DPY19L1: variants seen among roughly 807,000 people sequenced by gnomAD.
The protein encoded by DPY19L1 is protein C-mannosyl-transferase DPY19L1.
A neutral mutation model predicts 96.9 loss-of-function variants in DPY19L1; 35 were observed. The observed-to-expected ratio is 0.36, with a 90% CI of 0.28 to 0.48. The LOEUF (loss-of-function observed/expected upper bound fraction) is 0.48. Ranked by LOEUF, DPY19L1 falls within the 20% of genes least tolerant of loss-of-function variation. DPY19L1 has a pLI of 0.99. For synonymous variants in DPY19L1, 205 were observed against 252.6 expected (o/e 0.81, Z 1.79); for missense variants, 521 against 777.9 (o/e 0.67, Z 3.93).
chr7:34,951,969 A>T (rs1784275334), intron 13 of DPY19L1, among the ~76,000 whole-genome samples: 1 of 151,746 alleles, frequency 6.6e-6, no homozygotes, highest in Non-Finnish European at 1.5e-5. Flanking sequence ...GAAAACTTGA[A>T]TAGAACAAAA....
At chr7:34,948,622 ACT>A (rs1344126041) in intron 14 of DPY19L1, among the ~76,000 whole-genome samples, 1 of 152,204 alleles carries the variant, frequency 6.6e-6, no homozygotes, top group Non-Finnish European at 1.5e-5. Context: ...TATGTTTAAT[ACT>A]CTCAGACTGT....
chr7:35,024,666 T>G (rs1389095407), intron 1 of DPY19L1, among the ~76,000 whole-genome samples: 1 of 152,318 alleles, frequency 6.6e-6, no homozygotes, highest in Non-Finnish European at 1.5e-5. Context: ...AAACCCCAAG[T>G]GCTTTAATGA....
At chr7:34,939,253 A>G in intron 20 of DPY19L1, 23 bp downstream of exon 20, 1 of 1,593,880 alleles carries the variant, frequency 6.3e-7, no homozygotes, top group Non-Finnish European at 8.5e-7. Flanking sequence ...GTTTGTTTTG[A>G]TGATGCAAGA....
At chr7:34,994,522 C>T (rs1338311756) in intron 6 of DPY19L1, among the ~76,000 whole-genome samples, 1 of 152,136 alleles carries the variant, frequency 6.6e-6, no homozygotes, top group Non-Finnish European at 1.5e-5. Context: ...ATCCAATTCC[C>T]TGGCGGGGCG....
chr7:34,948,361 T>C (rs1167040527), intron 14 of DPY19L1, among the ~76,000 whole-genome samples: 2 of 152,148 alleles, frequency 1.3e-5, no homozygotes, highest in East Asian at 3.9e-4. Context: ...TTAAGCATCT[T>C]TCCATGTCAG....
chr7:35,006,278 C>G (rs1253734730), intron 6 of DPY19L1, among the ~76,000 whole-genome samples: 1 of 152,148 alleles, frequency 6.6e-6, no homozygotes, highest in Non-Finnish European at 1.5e-5. Flanking sequence ...GCACCATAAC[C>G]TAGCTAACCC....
intron 21 of DPY19L1, among the ~76,000 whole-genome samples, chr7:34,933,918 C>T (rs995033380): frequency 2.1e-4 from 32 of 152,144 alleles, no homozygotes; most frequent in African/African-American, 6.8e-4. Flanking sequence ...ACCTTGTGAT[C>T]GTGTGAGTCA....
chr7:34,969,010 T>C (rs761831968), intron 9 of DPY19L1, among the ~76,000 whole-genome samples: 11 of 152,116 alleles, frequency 7.2e-5, no homozygotes, highest in Non-Finnish European at 1.2e-4. Context: ...TGTAATCCTA[T>C]GTGTCTTTAT....
intron 1 of DPY19L1, among the ~76,000 whole-genome samples, chr7:35,034,047 G>A (rs554202421): frequency 1.3e-5 from 2 of 152,100 alleles, no homozygotes; most frequent in East Asian, 1.9e-4. Context: ...GTTATAGCAG[G>A]TGTACCCTTG....
chr7:35,003,627 A>T (rs549293286), intron 6 of DPY19L1, among the ~76,000 whole-genome samples: 1 of 152,292 alleles, frequency 6.6e-6, no homozygotes, highest in East Asian at 1.9e-4. Flanking sequence ...TGGCCACTAC[A>T]TTTCTGCCAG....
At chr7:34,991,670 A>G (rs554171479) in intron 6 of DPY19L1, among the ~76,000 whole-genome samples, 3 of 152,272 alleles carry the variant, frequency 2.0e-5, no homozygotes, top group East Asian at 3.9e-4. Flanking sequence ...TTTATAGGGG[A>G]AAAAAAGTGA....
chr7:34,976,823 G>A (rs763944340), intron 7 of DPY19L1, among the ~76,000 whole-genome samples: 15 of 152,084 alleles, frequency 9.9e-5, no homozygotes, highest in Non-Finnish European at 1.5e-4. Context: ...TCATTCTGCC[G>A]CCCAGGCTGG....
chr7:35,017,892 C>G lies in DPY19L1; in HGVS notation c.401G>C (p.Arg134Pro). 6.2e-7 allele frequency: 1 copy of G among 1,602,390 alleles called. No homozygotes were observed. The highest frequency in any genetic ancestry group is 8.5e-7 in the Non-Finnish European group (1 of 1,173,258). The change falls in exon 3 of 22, where the codon CGC becomes CCC. Residue 134 changes from arginine to proline, a missense_variant. Physicochemically the swap from Arg to Pro is moderately radical, Grantham distance 103. Coordinates refer to ENST00000638088, the MANE Select transcript of DPY19L1 (RefSeq NM_001366673.1). ...CAAATAAAAACTAACCATTTCAGTG[C>G]GAAAAGCCATCTCCCTTTCCAATGT... is the stretch of plus-strand genomic sequence containing the variant. ...LSTLEREMAFRTEMGLYYSYF... is the reference protein window; with the variant it reads ...LSTLEREMAFPTEMGLYYSYF...
chr7:34,990,035 T>A, intron 6 of DPY19L1, 94 bp from the exon 7 acceptor site: 1 of 903,090 alleles, frequency 1.1e-6, no homozygotes, highest in East Asian at 2.7e-5. Flanking sequence ...ACTGGTATTA[T>A]ATAAGATTTT....
intron 1 of DPY19L1, among the ~76,000 whole-genome samples, chr7:35,028,361 G>A (rs1370922070): frequency 6.6e-6 from 1 of 152,210 alleles, no homozygotes; most frequent in Non-Finnish European, 1.5e-5. Flanking sequence ...AGCATGGAAA[G>A]TATATATCAC....
rs371093022 is a variant in DPY19L1, at chr7:34,957,973, G to T, written c.1179+11C>A. ...TCAAAAACAGCCATATAAGTGTTAAGGAATACTTACCCAAATAATTACCAA... is the reference window on the plus strand; with the variant it reads ...TCAAAAACAGCCATATAAGTGTTAATGAATACTTACCCAAATAATTACCAA... On this transcript the variant is annotated intron_variant, in intron 11 of 21. Transcript: ENST00000638088. The T allele has an allele frequency of 3.3e-6, 5 of 1,535,218 alleles. No homozygotes were observed. The African/African-American group carries it at 5.6e-5, about 17-fold the overall frequency.
intron 6 of DPY19L1, among the ~76,000 whole-genome samples, chr7:34,993,615 C>T (rs186553187): frequency 3.3e-5 from 5 of 151,914 alleles, no homozygotes; most frequent in African/African-American, 7.3e-5. Flanking sequence ...CCTGCCCCCC[C>T]ACCCAAGAAA....
chr7:34,992,965 C>A (rs950113402), intron 6 of DPY19L1, among the ~76,000 whole-genome samples: 1 of 152,166 alleles, frequency 6.6e-6, no homozygotes, highest in African/African-American at 2.4e-5. Context: ...TTCCTTACTT[C>A]CAAAGTCTGA....
chr7:35,020,603 C>G (rs988529288), intron 1 of DPY19L1, among the ~76,000 whole-genome samples: 92 of 152,202 alleles, frequency 6.0e-4, no homozygotes, highest in African/African-American at 2.1e-3. Context: ...ATTGTTAAGG[C>G]ATTTATTTTT....
Sources: allele counts gnomAD v4.1 joint callset (sites outside exome capture counted in the v4.1 genomes callset), GRCh38; gene constraint gnomAD v4.1.1; transcripts MANE v1.5; gene names NCBI Gene and HGNC (gene_info 2026-07-23, HGNC 2026-07-21).